The following AFAP1L2 variants were observed in gnomAD, a reference collection of about 807,000 sequenced individuals.
AFAP1L2 encodes actin filament associated protein 1 like 2, also known as actin filament-associated protein 1-like 2.
Under a neutral mutation model 99.3 loss-of-function variants are expected in AFAP1L2, and 46 were observed. The ratio of observed to expected loss-of-function variants is 0.46; its 90% CI spans 0.37 to 0.59. AFAP1L2 has a LOEUF of 0.59. AFAP1L2 is among the 20% of genes least tolerant of loss of function. AFAP1L2 has a pLI of 0.00. For synonymous variants in AFAP1L2, 397 were observed against 419.1 expected (o/e 0.95, Z 0.64); for missense variants, 959 against 1,034.9 (o/e 0.93, Z 1.01).
At position 114,313,858 on chromosome 10, in the gene AFAP1L2, G is replaced by A. The variant is rs370184318; in HGVS notation, c.792+13C>T. 6.3e-7 allele frequency: 1 copy of A among 1,590,580 alleles called. No individual in the cohort carries two copies. Among genetic ancestry groups the A allele is most frequent in the African/African-American group, 1.3e-5 (1 of 74,724 alleles). ...TCTAGGAACCCCTCCAAGTGGCTCG[G>A]TGTCGCCCTCACCCTGAGCCACTGC... On this transcript the variant is annotated intron_variant, in intron 7 of 18. Transcript: ENST00000304129.
the AFAP1L2 span, chr10:114,289,640 CAT>C: frequency 8.4e-6 from 7 of 832,142 alleles, no homozygotes; most frequent in Non-Finnish European, 1.3e-5. Context: ...CCCATGCTCA[CAT>C]AAAATCCTAC....
Position 114,374,093 on chromosome 10 carries a change from C to T in AFAP1L2, c.16+30347G>A, listed in dbSNP as rs749519859. On this transcript the variant is annotated intron_variant, in intron 1 of 18. Transcript: ENST00000304129. ...CTAAAACCATCTCCTATAAACTCTG[C>T]GAGTCCAACCCATTCTCACTCCTCC... Among the ~76,000 whole-genome samples, 15 of 152,072 alleles carry T rather than the reference C, an allele frequency of 9.9e-5. No homozygotes were observed. The East Asian group carries it at 1.2e-3, about 12-fold the overall frequency.
chr10:114,300,546 A>G lies in AFAP1L2; in HGVS notation c.1687T>C (p.Ser563Pro). 3 of 1,614,114 alleles carry G rather than the reference A, an allele frequency of 1.9e-6. No homozygotes were observed. The highest frequency in any genetic ancestry group is 2.5e-6 in the Non-Finnish European group (3 of 1,179,996). ...AQAQASSPTL[S>P]CLDNATEALP... The stretch of plus-strand genomic sequence containing the variant: ...GCCTCAGTTGCATTGTCCAGGCAGG[A>G]CAACGTCGGGGAGGAGGCCTGGGCC... The change falls in exon 14 of 19, where the codon TCC becomes CCC. Residue 563 changes from serine to proline, a missense_variant. By Grantham distance (74) the Ser-to-Pro change is moderately conservative. Around this residue, in one of 2 missense-constraint regions of AFAP1L2, gnomAD observed 576 missense variants for 562.1 expected, o/e 1.02. Transcript: ENST00000304129.
chr10:114,300,168 G>T, intron 15 of AFAP1L2, 26 bp downstream of exon 15: 1 of 1,613,878 alleles, frequency 6.2e-7, no homozygotes, highest in Non-Finnish European at 8.5e-7. Flanking sequence ...AGATGGAATC[G>T]GGCTAACTTC....
chr10:114,399,498 T>C (rs2058047578), intron 1 of AFAP1L2, among the ~76,000 whole-genome samples: 1 of 152,208 alleles, frequency 6.6e-6, no homozygotes, highest in South Asian at 2.1e-4. Context: ...AAAGGAATTC[T>C]ACCCTTTTAG....
chr10:114,391,306 A>G (rs1021254122), intron 1 of AFAP1L2, among the ~76,000 whole-genome samples: 1 of 151,548 alleles, frequency 6.6e-6, no homozygotes, highest in Non-Finnish European at 1.5e-5. Context: ...TGCAACCTCT[A>G]CCTCCTGGAT....
intron 10 of AFAP1L2, among the ~76,000 whole-genome samples, chr10:114,306,310 C>G: frequency 1.2e-5 from 1 of 84,066 alleles, no homozygotes; most frequent in Non-Finnish European, 2.4e-5. Context: ...GGAGGGGACG[C>G]AGATCCAGGA....
rs908443755 is a variant in AFAP1L2, at chr10:114,363,833, C to T, written c.17-23102G>A. ...TCTACTCACATTGTTTTATTTAATC[C>T]TCACCACAACCCTATGTGAAATATA... On this transcript the variant is annotated intron_variant, in intron 1 of 18. Coordinates refer to ENST00000304129, the MANE Select transcript of AFAP1L2 (RefSeq NM_001001936.3). Among the ~76,000 whole-genome samples, 9 of 152,082 alleles carry T rather than the reference C, an allele frequency of 5.9e-5. 1 individual carries two copies. The highest frequency in any genetic ancestry group is 1.2e-4 in the Non-Finnish European group (8 of 68,016).
At chr10:114,282,482 G>A in the AFAP1L2 span, 3 of 1,592,520 alleles carry the variant, frequency 1.9e-6, no homozygotes, top group Non-Finnish European at 2.6e-6. Context: ...TTACACCTCT[G>A]ATCTGTCTAT....
At chr10:114,333,909 A>G (rs961335020) in intron 2 of AFAP1L2, among the ~76,000 whole-genome samples, 1 of 152,194 alleles carries the variant, frequency 6.6e-6, no homozygotes, top group African/African-American at 2.4e-5. Context: ...CATTTCATTT[A>G]AATTGTAAAA....
chr10:114,385,538 G>T (rs1484370576), intron 1 of AFAP1L2, among the ~76,000 whole-genome samples: 2 of 152,184 alleles, frequency 1.3e-5, no homozygotes, highest in Non-Finnish European at 2.9e-5. Flanking sequence ...GATGCTGCCA[G>T]GTTGGCCGTG....
At chr10:114,328,490 C>T (rs2046750262) in intron 4 of AFAP1L2, among the ~76,000 whole-genome samples, 1 of 152,170 alleles carries the variant, frequency 6.6e-6, no homozygotes, top group Non-Finnish European at 1.5e-5. Context: ...GGAAGAGACG[C>T]CACAGGGCAC....
intron 7 of AFAP1L2, among the ~76,000 whole-genome samples, chr10:114,312,698 G>C (rs969159614): frequency 1.3e-5 from 2 of 152,216 alleles, no homozygotes; most frequent in Non-Finnish European, 2.9e-5. Context: ...TGGCCTTTCA[G>C]AGCTTGTTAG....
At chr10:114,286,169 C>T in the AFAP1L2 span, 3 of 1,613,962 alleles carry the variant, frequency 1.9e-6, no homozygotes, top group African/African-American at 4.0e-5. Flanking sequence ...GGTCTGGAGC[C>T]TCGATGGCAT....
chr10:114,323,307 T>G (rs1476072619), intron 4 of AFAP1L2, 46 bp from the exon 5 acceptor site: 1 of 1,503,808 alleles, frequency 6.6e-7, no homozygotes, highest in South Asian at 1.2e-5. Flanking sequence ...TATGGTACAC[T>G]GGGAGCAACT....
intron 1 of AFAP1L2, among the ~76,000 whole-genome samples, chr10:114,385,471 T>C (rs2056379890): frequency 6.6e-6 from 1 of 152,142 alleles, no homozygotes; most frequent in Non-Finnish European, 1.5e-5. Context: ...ATGTCCAGCT[T>C]GATCAAGCTA....
At chr10:114,355,248 C>A (rs74669681) in intron 1 of AFAP1L2, among the ~76,000 whole-genome samples, 2 of 113,456 alleles carry the variant, frequency 1.8e-5, no homozygotes, top group Non-Finnish European at 3.2e-5. Flanking sequence ...TTTCTCTTCT[C>A]GCTCTCTCTT....
chr10:114,295,857 A>G lies in AFAP1L2; in HGVS notation c.*185T>C. ...TCCAAAGAAGCCTCCTTTTTGTTGTATTATTTCCTTTGGCTCTGAAAAGGG... is the reference window on the plus strand; with the variant it reads ...TCCAAAGAAGCCTCCTTTTTGTTGTGTTATTTCCTTTGGCTCTGAAAAGGG... On this transcript the variant is annotated 3_prime_UTR_variant, in exon 19 of 19. Transcript: ENST00000304129. The G allele has an allele frequency of 7.0e-7, 1 of 1,434,792 alleles. No individual in the cohort carries two copies. Among genetic ancestry groups the G allele is most frequent in the Non-Finnish European group, 9.1e-7 (1 of 1,098,088 alleles). 88.9% of individuals were successfully genotyped at this position (1,434,792 alleles called of 1,614,324 possible). A position where few individuals can be genotyped will look rare whatever the true frequency, so the allele number is the denominator to read the frequency against.
chr10:114,347,548 T>C (rs933310909), intron 1 of AFAP1L2, among the ~76,000 whole-genome samples: 8 of 152,258 alleles, frequency 5.3e-5, no homozygotes, highest in African/African-American at 1.7e-4. Context: ...CAATCATGAC[T>C]CACTGCACCC....
Sources: gnomAD v4.1 joint callset for allele counts (sites outside exome capture counted in the v4.1 genomes callset) on GRCh38, gnomAD v4.1.1 for gene constraint, gnomAD v4.1.1 regional missense constraint, MANE v1.5 for transcripts, NCBI Gene and HGNC (gene_info 2026-07-23, HGNC 2026-07-21) for gene names.